Variants in RBMS3 observed in about 807,000 individuals in gnomAD.
The protein encoded by RBMS3 is RNA-binding motif, single-stranded-interacting protein 3.
Under a neutral mutation model 66.8 loss-of-function variants are expected in RBMS3, and 27 were observed. That is an observed-to-expected ratio of 0.40 (90% CI 0.30 to 0.56). RBMS3 has a LOEUF of 0.56. RBMS3 is among the 20% of genes least tolerant of loss of function. RBMS3 has a pLI of 0.40. For synonymous variants in RBMS3, 188 were observed against 183.0 expected, an observed-to-expected ratio of 1.03 and a Z score of -0.22; for missense variants, 513 against 549.5, an observed-to-expected ratio of 0.93 and a Z score of 0.66.
intron 1 of RBMS3, among the ~76,000 whole-genome samples, chr3:29,325,579 T>TC (rs2035278229): frequency 6.6e-6 from 1 of 150,952 alleles, no homozygotes; most frequent in Admixed American, 6.6e-5. Flanking sequence ...TATATACATG[T>TC]GTGTATGTAT....
chr3:29,557,877 A>C (rs2046415647), intron 3 of RBMS3, among the ~76,000 whole-genome samples: 1 of 152,220 alleles, frequency 6.6e-6, no homozygotes, highest in Non-Finnish European at 1.5e-5. Context: ...CAGACCTCTG[A>C]AGATTATTTA....
chr3:29,959,663 G>T (rs573422490), intron 12 of RBMS3, among the ~76,000 whole-genome samples: 1 of 152,242 alleles, frequency 6.6e-6, no homozygotes, highest in South Asian at 2.1e-4. Context: ...AAGGAAAGAG[G>T]TTTAATTGAC....
At chr3:29,366,201 T>G (rs983800653) in intron 1 of RBMS3, among the ~76,000 whole-genome samples, 5 of 152,192 alleles carry the variant, frequency 3.3e-5, no homozygotes, top group African/African-American at 1.2e-4. Context: ...ATTTGTGAAA[T>G]TTGAATTGCA....
At chr3:29,520,626 A>G (rs567878336) in intron 3 of RBMS3, among the ~76,000 whole-genome samples, 1 of 152,336 alleles carries the variant, frequency 6.6e-6, no homozygotes, top group South Asian at 2.1e-4. Context: ...ATAGTTTAAT[A>G]AACACGTAGG....
intron 1 of RBMS3, among the ~76,000 whole-genome samples, chr3:29,424,256 C>T (rs1397986672): frequency 6.6e-6 from 1 of 152,162 alleles, no homozygotes; most frequent in Non-Finnish European, 1.5e-5. Flanking sequence ...TACAGGGTGA[C>T]CATACACCCT....
intron 7 of RBMS3, among the ~76,000 whole-genome samples, chr3:29,871,402 G>GT (rs2059488655): frequency 6.6e-6 from 1 of 152,022 alleles, no homozygotes. Flanking sequence ...TTGTTTGTTT[G>GT]TTTGACCCCT....
At chr3:29,869,934 A>C (rs1012873450) in intron 7 of RBMS3, among the ~76,000 whole-genome samples, 1 of 152,114 alleles carries the variant, frequency 6.6e-6, no homozygotes, top group African/African-American at 2.4e-5. Context: ...GGAAGCTGGA[A>C]TTTTTCTCAG....
chr3:29,283,422 C>G (rs531302740), intron 1 of RBMS3, among the ~76,000 whole-genome samples: 90 of 152,006 alleles, frequency 5.9e-4, no homozygotes, highest in African/African-American at 2.1e-3. Flanking sequence ...CACATTTTTT[C>G]AAAGACACAG....
chr3:29,532,236 G>GTATATATATA (rs1559444666), intron 3 of RBMS3, among the ~76,000 whole-genome samples: 1 of 84,886 alleles, frequency 1.2e-5, no homozygotes, highest in African/African-American at 4.4e-5. Flanking sequence ...TTTTAATTTC[G>GTATATATATA]CATATATATG....
At chr3:29,348,651 T>C (rs1202736723) in intron 1 of RBMS3, among the ~76,000 whole-genome samples, 1 of 151,974 alleles carries the variant, frequency 6.6e-6, no homozygotes, top group Non-Finnish European at 1.5e-5. Context: ...TGTGGCTTAC[T>C]CTTTGCTTTT....
At chr3:29,463,183 A>G (rs1195584507) in intron 2 of RBMS3, among the ~76,000 whole-genome samples, 1 of 152,202 alleles carries the variant, frequency 6.6e-6, no homozygotes, top group African/African-American at 2.4e-5. Flanking sequence ...GCACAATCAC[A>G]TATTTGTTAA....
chr3:29,607,412 G>A (rs1372536458), intron 4 of RBMS3, among the ~76,000 whole-genome samples: 1 of 151,854 alleles, frequency 6.6e-6, no homozygotes, highest in Non-Finnish European at 1.5e-5. Context: ...TTCCAGCTGT[G>A]TCCTCACACT....
At chr3:29,858,562 T>C (rs962849216) in intron 6 of RBMS3, among the ~76,000 whole-genome samples, 1 of 152,244 alleles carries the variant, frequency 6.6e-6, no homozygotes, top group African/African-American at 2.4e-5. Flanking sequence ...TTGGAAGTGC[T>C]GGTACTTTCC....
chr3:29,989,910 C>T (rs559333184), intron 13 of RBMS3, among the ~76,000 whole-genome samples: 1 of 152,224 alleles, frequency 6.6e-6, no homozygotes, highest in Non-Finnish European at 1.5e-5. Flanking sequence ...TCTCTGTGTA[C>T]ACCAAAGACA....
At chr3:29,379,068 T>A (rs949521649) in intron 1 of RBMS3, among the ~76,000 whole-genome samples, 1 of 152,164 alleles carries the variant, frequency 6.6e-6, no homozygotes, top group South Asian at 2.1e-4. Flanking sequence ...AAAACTCCTT[T>A]TGCCATTTTC....
intron 11 of RBMS3, among the ~76,000 whole-genome samples, chr3:29,939,916 C>T (rs2061350264): frequency 6.6e-6 from 1 of 151,796 alleles, no homozygotes; most frequent in Admixed American, 6.6e-5. Context: ...ATGACCCAAA[C>T]TAATCTCATG....
chr3:29,565,886 T>C (rs1255749258), intron 3 of RBMS3, among the ~76,000 whole-genome samples: 1 of 152,162 alleles, frequency 6.6e-6, no homozygotes, highest in African/African-American at 2.4e-5. Context: ...GCCAATGTCA[T>C]GATTGTAGGG....
chr3:29,536,783 C>G (rs916993047), intron 3 of RBMS3, among the ~76,000 whole-genome samples: 1 of 152,190 alleles, frequency 6.6e-6, no homozygotes, highest in African/African-American at 2.4e-5. Flanking sequence ...AATGAATTGT[C>G]ACATTCTGTG....
intron 1 of RBMS3, among the ~76,000 whole-genome samples, chr3:29,305,007 T>G (rs533770163): frequency 1.3e-5 from 2 of 152,048 alleles, no homozygotes; most frequent in South Asian, 4.1e-4. Context: ...CCCAGCTCTA[T>G]GACCTCTCCT....
Sources: gnomAD v4.1 joint callset for allele counts (sites outside exome capture counted in the v4.1 genomes callset) on GRCh38, gnomAD v4.1.1 for gene constraint, MANE v1.5 for transcripts, NCBI Gene and HGNC (gene_info 2026-07-23, HGNC 2026-07-21) for gene names.